Variants in TRIO observed in about 807,000 individuals in gnomAD.
The protein encoded by TRIO is triple functional domain protein.
A neutral mutation model predicts 351.9 loss-of-function variants in TRIO; 58 were observed. The observed-to-expected ratio is 0.16, with a 90% CI of 0.13 to 0.21. The LOEUF (loss-of-function observed/expected upper bound fraction) is 0.21, where lower values mean the gene tolerates loss of function less well. Among genes scored for constraint, TRIO ranks in the 10% least tolerant of loss-of-function variants. TRIO has a pLI of 1.00. For synonymous variants in TRIO, 1,758 were observed against 1,595.7 expected, an observed-to-expected ratio of 1.10 and a Z score of -2.42; for missense variants, 3,201 against 4,027.8, an observed-to-expected ratio of 0.79 and a Z score of 5.56.
intron 1 of TRIO, among the ~76,000 whole-genome samples, chr5:14,264,180 CT>C (rs989303432): frequency 2.6e-5 from 4 of 151,546 alleles, no homozygotes; most frequent in Admixed American, 6.6e-5. Context: ...TTTGTTTAAA[CT>C]TTTTTTTGTT....
Position 14,309,243 on chromosome 5 carries a change from T to C in TRIO, c.1500+4651T>C, listed in dbSNP as rs370761111. Among the ~76,000 whole-genome samples, 56 of 152,366 alleles carry C rather than the reference T, an allele frequency of 3.7e-4. 1 individual carries two copies. In the South Asian group the frequency reaches 8.9e-3, roughly 24 times the overall value. On this transcript the variant is annotated intron_variant, in intron 8 of 56. Coordinates refer to ENST00000344204, the MANE Select transcript of TRIO (RefSeq NM_007118.4). ...TTCCCTTTCTAAGTTTGTTAATCTA[T>C]TCTCAGGCAGCAAGAAACCTGGCTT...
chr5:14,223,191 T>C (rs528564174), intron 1 of TRIO, among the ~76,000 whole-genome samples: 2 of 152,316 alleles, frequency 1.3e-5, no homozygotes, highest in African/African-American at 4.8e-5. Context: ...TCCCTGAGAG[T>C]TCTTCCAGAT....
chr5:14,416,170 C>G (rs564591807), intron 33 of TRIO, among the ~76,000 whole-genome samples: 1 of 146,776 alleles, frequency 6.8e-6, no homozygotes, highest in Non-Finnish European at 1.5e-5. Context: ...AGACCTCCGT[C>G]AGACGTAACA....
Position 14,171,046 on chromosome 5 carries a change from C to G in TRIO, c.157+27164C>G, listed in dbSNP as rs146096470. Among the ~76,000 whole-genome samples, 21 of 152,112 alleles carry G rather than the reference C, an allele frequency of 1.4e-4. No individual in the cohort carries two copies. In the East Asian group the frequency reaches 4.0e-3, roughly 29 times the overall value. ...TCCAAATCTTAAATTATATTCCTTG[C>G]CCTAAAATAAAATATCATGAAGATA... On this transcript the variant is annotated intron_variant, in intron 1 of 56. Transcript: ENST00000344204.
chr5:14,361,590 T>C (rs377494831), intron 13 of TRIO, among the ~76,000 whole-genome samples: 1 of 152,368 alleles, frequency 6.6e-6, no homozygotes, highest in Admixed American at 6.5e-5. Flanking sequence ...TATGGAGTTA[T>C]GTCGATGGTA....
chr5:14,380,425 C>A (rs1345899146), intron 20 of TRIO, among the ~76,000 whole-genome samples: 1 of 152,140 alleles, frequency 6.6e-6, no homozygotes. Context: ...CCTGTCGTAT[C>A]CCATCCCGCT....
intron 9 of TRIO, among the ~76,000 whole-genome samples, chr5:14,322,042 A>G (rs927478929): frequency 3.9e-5 from 6 of 152,152 alleles, no homozygotes; most frequent in Non-Finnish European, 8.8e-5. Flanking sequence ...ATGAGAACAG[A>G]CTAATACAAC....
intron 20 of TRIO, among the ~76,000 whole-genome samples, chr5:14,379,142 T>A (rs1745838851): frequency 6.6e-6 from 1 of 152,178 alleles, no homozygotes; most frequent in Non-Finnish European, 1.5e-5. Context: ...CCCCAGCGTC[T>A]GTGTGTGGCC....
intron 19 of TRIO, among the ~76,000 whole-genome samples, chr5:14,374,795 T>C (rs1745412991): frequency 6.6e-6 from 1 of 152,096 alleles, no homozygotes; most frequent in Non-Finnish European, 1.5e-5. Context: ...AATTGAAAAA[T>C]AATAATATAT....
intron 1 of TRIO, among the ~76,000 whole-genome samples, chr5:14,192,073 GAAT>G (rs1335669244): frequency 3.9e-5 from 6 of 152,066 alleles, no homozygotes; most frequent in African/African-American, 1.4e-4. Context: ...TTGTAAAGAA[GAAT>G]ATATCTAGCA....
chr5:14,188,529 G>T (rs927150127), intron 1 of TRIO, among the ~76,000 whole-genome samples: 1 of 152,154 alleles, frequency 6.6e-6, no homozygotes, highest in African/African-American at 2.4e-5. Flanking sequence ...GATGAAATTA[G>T]CCCCGTGGGT....
intron 33 of TRIO, among the ~76,000 whole-genome samples, chr5:14,409,448 A>G (rs975810021): frequency 6.6e-6 from 1 of 150,670 alleles, no homozygotes; most frequent in Non-Finnish European, 1.5e-5. Context: ...AAAACTCCCT[A>G]TGAGATACTC....
chr5:14,288,630 G>A (rs1449574562), intron 4 of TRIO, among the ~76,000 whole-genome samples: 1 of 151,372 alleles, frequency 6.6e-6, no homozygotes, highest in Non-Finnish European at 1.5e-5. Context: ...TTGTGCCGCT[G>A]CACTCCAGCC....
At chr5:14,145,230 A>C (rs899659577) in intron 1 of TRIO, among the ~76,000 whole-genome samples, 7 of 152,216 alleles carry the variant, frequency 4.6e-5, no homozygotes, top group Non-Finnish European at 8.8e-5. Flanking sequence ...GAGCAATTGC[A>C]GCGGGAGGGC....
At chr5:14,240,122 T>C (rs2152233877) in intron 1 of TRIO, among the ~76,000 whole-genome samples, 1 of 152,312 alleles carries the variant, frequency 6.6e-6, no homozygotes, top group African/African-American at 2.4e-5. Flanking sequence ...GACTAATAAG[T>C]TTTCAAATAG....
chr5:14,439,819 C>T (rs1202157897), intron 34 of TRIO, among the ~76,000 whole-genome samples: 1 of 152,164 alleles, frequency 6.6e-6, no homozygotes, highest in Non-Finnish European at 1.5e-5. Flanking sequence ...CCATAAATGC[C>T]AGACTCCCCT....
At chr5:14,164,929 C>CT (rs1214672562) in intron 1 of TRIO, among the ~76,000 whole-genome samples, 1 of 152,200 alleles carries the variant, frequency 6.6e-6, no homozygotes, top group Non-Finnish European at 1.5e-5. Context: ...CCTGGGAACC[C>CT]TGGGTCTGGA....
At chr5:14,452,587 A>C (rs1227114308) in intron 34 of TRIO, among the ~76,000 whole-genome samples, 1 of 152,246 alleles carries the variant, frequency 6.6e-6, no homozygotes, top group Non-Finnish European at 1.5e-5. Flanking sequence ...TGTGCCAGGC[A>C]GACTTTAAAC....
intron 1 of TRIO, among the ~76,000 whole-genome samples, chr5:14,190,572 G>T (rs1481278118): frequency 6.6e-6 from 1 of 152,128 alleles, no homozygotes; most frequent in Admixed American, 6.5e-5. Flanking sequence ...CGTCATGCTT[G>T]TGGCCGTTCC....
Sources: gnomAD v4.1 joint callset for allele counts (sites outside exome capture counted in the v4.1 genomes callset) on GRCh38, gnomAD v4.1.1 for gene constraint, MANE v1.5 for transcripts, NCBI Gene and HGNC (gene_info 2026-07-23, HGNC 2026-07-21) for gene names.